ITFG1: variants seen among roughly 807,000 people sequenced by gnomAD.
The protein encoded by ITFG1 is integrin alpha FG-GAP repeat containing 1, also known as T-cell immunomodulatory protein.
A neutral mutation model predicts 81.8 loss-of-function variants in ITFG1; 34 were observed. That is an observed-to-expected ratio of 0.42 (90% confidence interval 0.32 to 0.55). ITFG1 has a LOEUF of 0.55. ITFG1 is among the 20% of genes least tolerant of loss of function. The probability of loss-of-function intolerance (pLI) is 0.17; values close to 1 mark genes in which losing one functional copy is unlikely to be tolerated. For missense variants in ITFG1, 672 were observed against 755.4 expected, an observed-to-expected ratio of 0.89 and a Z score of 1.29; for synonymous variants, 285 against 270.6, an observed-to-expected ratio of 1.05 and a Z score of -0.52.
intron 14 of ITFG1, among the ~76,000 whole-genome samples, chr16:47,199,678 C>T (rs140404744): frequency 4.2e-4 from 64 of 152,078 alleles, no homozygotes; most frequent in Non-Finnish European, 6.9e-4. Context: ...CCCCATGGAC[C>T]GGGGGTGGGG....
At chr16:47,445,136 G>T (rs1969307676) in intron 5 of ITFG1, among the ~76,000 whole-genome samples, 2 of 148,324 alleles carry the variant, frequency 1.3e-5, no homozygotes, top group Admixed American at 1.4e-4. Context: ...AAGAAAAACT[G>T]GAAGTTCTAT....
At chr16:47,365,759 CTTT>C (rs76973321) in intron 8 of ITFG1, 26 bp downstream of exon 8, 3,468 of 1,091,298 alleles carry the variant, frequency 3.2e-3, no homozygotes, top group South Asian at 4.0e-3. Flanking sequence ...AGGCAAAAGC[CTTT>C]TTTTTTTTTT....
chr16:47,291,289 T>C (rs1407861948), intron 10 of ITFG1, among the ~76,000 whole-genome samples: 1 of 152,216 alleles, frequency 6.6e-6, no homozygotes, highest in Non-Finnish European at 1.5e-5. Flanking sequence ...GTTATTCTAA[T>C]TGGGATTCCT....
Position 47,231,258 on chromosome 16 carries a change from C to T in ITFG1, c.1374+6707G>A, listed in dbSNP as rs550950342. Among the ~76,000 whole-genome samples, 9 of 152,296 alleles carry T rather than the reference C, an allele frequency of 5.9e-5. No homozygotes were observed. The East Asian group carries it at 1.7e-3, about 29-fold the overall frequency. On this transcript the variant is annotated intron_variant, in intron 13 of 17. Transcript: ENST00000320640. ...TGCCTGCTTCTAGATTCATAATCCACGAAGTGGAAAAAGTCACTAGACTTT... is the reference window on the plus strand; with the variant it reads ...TGCCTGCTTCTAGATTCATAATCCATGAAGTGGAAAAAGTCACTAGACTTT...
chr16:47,433,343 G>A (rs1232558347), intron 5 of ITFG1, among the ~76,000 whole-genome samples: 1 of 152,146 alleles, frequency 6.6e-6, no homozygotes, highest in Non-Finnish European at 1.5e-5. Flanking sequence ...ATACAAGTCT[G>A]GATTTTCAGC....
chr16:47,422,999 G>C (rs938168772), intron 6 of ITFG1, among the ~76,000 whole-genome samples: 23 of 152,118 alleles, frequency 1.5e-4, no homozygotes, highest in African/African-American at 5.6e-4. Flanking sequence ...CTGTCTTGTT[G>C]ATCTGTCTGA....
chr16:47,456,046 C>T (rs1318237387), intron 2 of ITFG1, among the ~76,000 whole-genome samples: 1 of 151,988 alleles, frequency 6.6e-6, no homozygotes, highest in East Asian at 1.9e-4. Context: ...CACATAATGC[C>T]TAGCATAATA....
At chr16:47,281,224 T>A (rs1324232326) in intron 10 of ITFG1, among the ~76,000 whole-genome samples, 1 of 152,212 alleles carries the variant, frequency 6.6e-6, no homozygotes. Flanking sequence ...GAATTTGGTG[T>A]CAGTGGCTTG....
chr16:47,425,112 G>A (rs940072750), intron 6 of ITFG1, among the ~76,000 whole-genome samples: 5 of 152,116 alleles, frequency 3.3e-5, no homozygotes, highest in Admixed American at 6.5e-5. Context: ...CTTCCAGGCC[G>A]CTTTGTTTAC....
At chr16:47,338,148 G>A (rs1967732501) in intron 8 of ITFG1, among the ~76,000 whole-genome samples, 1 of 152,182 alleles carries the variant, frequency 6.6e-6, no homozygotes, top group Non-Finnish European at 1.5e-5. Context: ...AGTGGCCCAC[G>A]CCTGTAATCC....
At chr16:47,306,037 C>T (rs949303875) in intron 10 of ITFG1, among the ~76,000 whole-genome samples, 7 of 151,976 alleles carry the variant, frequency 4.6e-5, no homozygotes, top group Non-Finnish European at 1.0e-4. Flanking sequence ...TAATCGGGGT[C>T]GGGAGAGAGA....
chr16:47,454,307 T>C (rs1969425111), intron 2 of ITFG1, 149 bp from the exon 3 acceptor site: 4 of 705,856 alleles, frequency 5.7e-6, no homozygotes, highest in South Asian at 5.3e-5. Flanking sequence ...TTTTCATCCA[T>C]CATGTATTTA....
intron 5 of ITFG1, among the ~76,000 whole-genome samples, chr16:47,450,663 T>C (rs544726380): frequency 3.9e-5 from 6 of 152,290 alleles, no homozygotes; most frequent in Non-Finnish European, 8.8e-5. Context: ...CTTTGTACTT[T>C]CAGAAAGACA....
intron 14 of ITFG1, among the ~76,000 whole-genome samples, chr16:47,178,379 C>T (rs1965056038): frequency 6.6e-6 from 1 of 152,170 alleles, no homozygotes; most frequent in Non-Finnish European, 1.5e-5. Context: ...GGTTTTTAAA[C>T]AGTCCTACTT....
chr16:47,399,433 C>T (rs1328566278), intron 6 of ITFG1, among the ~76,000 whole-genome samples: 1 of 152,076 alleles, frequency 6.6e-6, no homozygotes, highest in Non-Finnish European at 1.5e-5. Flanking sequence ...ATTAGCCGGG[C>T]GTGTTGGCGG....
intron 5 of ITFG1, among the ~76,000 whole-genome samples, chr16:47,441,785 T>C (rs1969254562): frequency 6.6e-6 from 1 of 151,906 alleles, no homozygotes; most frequent in Non-Finnish European, 1.5e-5. Context: ...AGGGATGCCC[T>C]CTCTCACCAC....
chr16:47,182,336 C>T (rs567755829), intron 14 of ITFG1, among the ~76,000 whole-genome samples: 5 of 150,052 alleles, frequency 3.3e-5, no homozygotes, highest in East Asian at 3.9e-4. Flanking sequence ...GTCTAGTAGA[C>T]GATGGGAATC....
intron 5 of ITFG1, chr16:47,448,467 A>G (rs1050152956): frequency 1.3e-5 from 2 of 152,180 alleles, no homozygotes; most frequent in African/African-American, 4.8e-5. Flanking sequence ...ACCACATTCA[A>G]TATTTTCATG....
At chr16:47,170,297 A>T (rs1208533791) in intron 14 of ITFG1, among the ~76,000 whole-genome samples, 1 of 152,174 alleles carries the variant, frequency 6.6e-6, no homozygotes, top group East Asian at 1.9e-4. Context: ...TCATCAGTGC[A>T]GCCATCTGGT....
Sources: gnomAD v4.1 joint callset for allele counts (sites outside exome capture counted in the v4.1 genomes callset) on GRCh38, gnomAD v4.1.1 for gene constraint, MANE v1.5 for transcripts, NCBI Gene and HGNC (gene_info 2026-07-23, HGNC 2026-07-21) for gene names.